Variants in GALNT17 observed in about 807,000 individuals in gnomAD.
GALNT17 encodes polypeptide N-acetylgalactosaminyltransferase 17.
Under a neutral mutation model 63.7 loss-of-function variants are expected in GALNT17, and 29 were observed. The observed-to-expected ratio is 0.46, with a 90% CI of 0.34 to 0.62. GALNT17 has a LOEUF of 0.62. Ranked by LOEUF, GALNT17 falls within the 20% of genes least tolerant of loss-of-function variation. The pLI, the probability that GALNT17 is intolerant of heterozygous loss-of-function variation, is 0.01. For synonymous variants in GALNT17, 305 were observed against 318.3 expected (o/e 0.96, Z 0.45); for missense variants, 603 against 799.6 (o/e 0.75, Z 2.97).
chr7:71,427,911 A>G (rs1181582992), intron 5 of GALNT17, among the ~76,000 whole-genome samples: 1 of 152,084 alleles, frequency 6.6e-6, no homozygotes, highest in Non-Finnish European at 1.5e-5. Context: ...TTATGAGATA[A>G]TCTAATGCCT....
At chr7:71,449,274 G>A (rs957457490) in intron 5 of GALNT17, among the ~76,000 whole-genome samples, 2 of 151,774 alleles carry the variant, frequency 1.3e-5, no homozygotes, top group Admixed American at 1.3e-4. Flanking sequence ...ACCACACCTG[G>A]CTAATTTTTG....
chr7:71,254,736 G>A (rs1034616444), intron 1 of GALNT17, among the ~76,000 whole-genome samples: 4 of 152,094 alleles, frequency 2.6e-5, no homozygotes, highest in African/African-American at 4.8e-5. Context: ...GATTTACAGA[G>A]TGTACCCCAC....
intron 8 of GALNT17, among the ~76,000 whole-genome samples, chr7:71,675,430 A>G (rs1791135563): frequency 6.6e-6 from 1 of 152,158 alleles, no homozygotes; most frequent in African/African-American, 2.4e-5. Flanking sequence ...ACGTAAAGCA[A>G]ATATTCTGTT....
At chr7:71,314,474 A>G (rs1172846094) in intron 1 of GALNT17, among the ~76,000 whole-genome samples, 5 of 152,202 alleles carry the variant, frequency 3.3e-5, no homozygotes, top group Non-Finnish European at 7.3e-5. Context: ...GTGCTAGTCA[A>G]AGGACCCAAA....
chr7:71,592,351 C>T (rs1274706804), intron 6 of GALNT17, among the ~76,000 whole-genome samples: 1 of 151,804 alleles, frequency 6.6e-6, no homozygotes, highest in Non-Finnish European at 1.5e-5. Context: ...GGCTGGCTGC[C>T]AGCTGTAGTG....
At chr7:71,653,333 G>A (rs556299150) in intron 6 of GALNT17, among the ~76,000 whole-genome samples, 1 of 151,768 alleles carries the variant, frequency 6.6e-6, no homozygotes, top group South Asian at 2.1e-4. Flanking sequence ...GGTTTTTAAA[G>A]GCAGAGAGGC....
At chr7:71,443,680 A>C (rs905650044) in intron 5 of GALNT17, among the ~76,000 whole-genome samples, 1 of 151,350 alleles carries the variant, frequency 6.6e-6, no homozygotes, top group African/African-American at 2.4e-5. Context: ...CAAAACCATG[A>C]GCCAGATAAA....
At chr7:71,149,224 A>T (rs560550643) in intron 1 of GALNT17, among the ~76,000 whole-genome samples, 2 of 152,102 alleles carry the variant, frequency 1.3e-5, no homozygotes, top group Admixed American at 6.6e-5. Context: ...TGGCTAATAC[A>T]CAGCTATTTC....
intron 1 of GALNT17, among the ~76,000 whole-genome samples, chr7:71,259,638 G>GTTT (rs1219751607): frequency 0.032 from 4,387 of 137,086 alleles, 187 homozygotes; most frequent in Non-Finnish European, 0.038. Context: ...TTTGTTTTTT[G>GTTT]TTTTTTTGTT....
At chr7:71,538,588 G>A (rs752471511) in intron 5 of GALNT17, among the ~76,000 whole-genome samples, 13 of 152,328 alleles carry the variant, frequency 8.5e-5, no homozygotes, top group Middle Eastern at 3.4e-3. Flanking sequence ...TCAGTCCCTT[G>A]AAGTGATGAA....
At chr7:71,697,446 T>C (rs1294342064) in intron 9 of GALNT17, among the ~76,000 whole-genome samples, 3 of 151,570 alleles carry the variant, frequency 2.0e-5, no homozygotes, top group Non-Finnish European at 4.4e-5. Context: ...AGGGGAAGGG[T>C]GCAAAGTTGA....
At chr7:71,359,038 AT>A (rs1563031389) in intron 2 of GALNT17, among the ~76,000 whole-genome samples, 2 of 152,124 alleles carry the variant, frequency 1.3e-5, no homozygotes. Context: ...GCCTCCCAAA[AT>A]TCTGGGATTT....
chr7:71,245,043 T>C (rs1790068759), intron 1 of GALNT17, among the ~76,000 whole-genome samples: 1 of 152,128 alleles, frequency 6.6e-6, no homozygotes, highest in Admixed American at 6.5e-5. Context: ...AATTAATCGA[T>C]GTCACCTAGC....
intron 5 of GALNT17, among the ~76,000 whole-genome samples, chr7:71,546,397 A>G (rs2116819641): frequency 6.6e-6 from 1 of 152,130 alleles, no homozygotes; most frequent in South Asian, 2.1e-4. Flanking sequence ...CCTGGGTTCA[A>G]GTGATCCTTC....
intron 1 of GALNT17, among the ~76,000 whole-genome samples, chr7:71,298,311 C>T (rs970567435): frequency 6.6e-6 from 1 of 152,104 alleles, no homozygotes; most frequent in African/African-American, 2.4e-5. Context: ...TGAGCCACCA[C>T]ACCTGTCCTG....
At chr7:71,265,119 T>TATATATATATATATATATATATA (rs58855212) in intron 1 of GALNT17, among the ~76,000 whole-genome samples, 7 of 14,396 alleles carry the variant, frequency 4.9e-4, no homozygotes, top group Non-Finnish European at 6.7e-4. Context: ...TATATATATA[T>TATATATATATATATATATATATA]TTTTTTTTTT....
intron 5 of GALNT17, among the ~76,000 whole-genome samples, chr7:71,511,147 C>G (rs574976119): frequency 2.1e-4 from 32 of 152,232 alleles, no homozygotes; most frequent in Non-Finnish European, 4.0e-4. Context: ...ATGCACCATA[C>G]TCCAGCCTGG....
At chr7:71,600,462 C>T (rs1362355089) in intron 6 of GALNT17, among the ~76,000 whole-genome samples, 2 of 152,030 alleles carry the variant, frequency 1.3e-5, no homozygotes, top group African/African-American at 4.8e-5. Context: ...ATAATGACAC[C>T]TAACTGTAAT....
intron 1 of GALNT17, among the ~76,000 whole-genome samples, chr7:71,321,880 TTCC>T (rs1319953757): frequency 3.3e-5 from 2 of 59,814 alleles, no homozygotes; most frequent in Non-Finnish European, 6.5e-5. Context: ...CCTTCCTTCC[TTCC>T]TTCCTTCCTT....
Sources: gnomAD v4.1 joint callset for allele counts (sites outside exome capture counted in the v4.1 genomes callset) on GRCh38, gnomAD v4.1.1 for gene constraint, MANE v1.5 for transcripts, NCBI Gene and HGNC (gene_info 2026-07-23, HGNC 2026-07-21) for gene names.